MDN1: variants seen among roughly 807,000 people sequenced by gnomAD.
The protein encoded by MDN1 is midasin.
A neutral mutation model predicts 669.2 loss-of-function variants in MDN1; 266 were observed. The ratio of observed to expected loss-of-function variants is 0.40; its 90% confidence interval spans 0.36 to 0.44. The LOEUF is 0.44. MDN1 is among the 20% of genes least tolerant of loss of function. The pLI is 1.00. For synonymous variants in MDN1, 2,385 were observed against 2,457.1 expected (o/e 0.97, Z 0.87); for missense variants, 5,940 against 6,754.0 (o/e 0.88, Z 4.22).
At chr6:89,651,473 G>A (rs546602687) in intron 95 of MDN1, among the ~76,000 whole-genome samples, 17 of 152,070 alleles carry the variant, frequency 1.1e-4, no homozygotes, top group African/African-American at 3.6e-4. Context: ...AAAATTAGTC[G>A]GGCGTGGTGG....
At chr6:89,799,190 G>GA (rs1407259624) in intron 2 of MDN1, among the ~76,000 whole-genome samples, 1 of 152,174 alleles carries the variant, frequency 6.6e-6, no homozygotes, top group East Asian at 1.9e-4. Flanking sequence ...TCTTTGAAAA[G>GA]AAAGTGCATG....
At chr6:89,664,015 C>G (rs1810007630) in intron 85 of MDN1, among the ~76,000 whole-genome samples, 1 of 151,650 alleles carries the variant, frequency 6.6e-6, no homozygotes. Flanking sequence ...GGTATACATG[C>G]AATAAATGGA....
chr6:89,719,685 C>A (rs1814679422), intron 40 of MDN1, among the ~76,000 whole-genome samples: 1 of 152,184 alleles, frequency 6.6e-6, no homozygotes. Flanking sequence ...GATCTTTATA[C>A]CCATGCAAAA....
chr6:89,776,780 G>C (rs1044868421), intron 11 of MDN1, 85 bp from the exon 12 acceptor site: 1 of 953,682 alleles, frequency 1.0e-6, no homozygotes, highest in Admixed American at 3.0e-5. Flanking sequence ...CCACAAGAGG[G>C]AGAAACACAA....
chr6:89,793,765 C>T lies in MDN1; in HGVS notation c.852G>A (p.Glu284=). The change falls in exon 5 of 102, where the codon GAG becomes GAA. Residue 284 remains glutamate (E), a synonymous_variant. Transcript: ENST00000369393. ...CCCCCTACTGATACCAACATACCAGCTCTCCAGGGGCTGGCAGCTGCCCAG... is the reference window on the plus strand; with the variant it reads ...CCCCCTACTGATACCAACATACCAGTTCTCCAGGGGCTGGCAGCTGCCCAG... ...VLPGQLPAPG[E]LGGNRSSSRE... 6.2e-7 allele frequency: 1 copy of T among 1,612,934 alleles called. No individual in the cohort carries two copies. The highest frequency in any genetic ancestry group is 8.5e-7 in the Non-Finnish European group (1 of 1,179,418).
chr6:89,727,805 T>C (rs775227984), intron 37 of MDN1, 28 bp downstream of exon 37: 1 of 1,611,006 alleles, frequency 6.2e-7, no homozygotes, highest in South Asian at 1.1e-5. Context: ...ATGATCACCG[T>C]CTTGGGCATG....
At position 89,803,427 on chromosome 6, in the gene MDN1, G is replaced by A. The variant is rs753632241; in HGVS notation, c.230C>T (p.Ala77Val). 6.2e-7 allele frequency: 1 copy of A among 1,614,082 alleles called. No homozygotes were observed. Among genetic ancestry groups the A allele is most frequent in the Non-Finnish European group, 8.5e-7 (1 of 1,180,008 alleles). ...PLLLDLLERNAEAIKAGGQIN... is the reference protein window; with the variant it reads ...PLLLDLLERNVEAIKAGGQIN... ...TTGGCCTCCAGCTTTAATGGCTTCG[G>A]CATTCCTTTCCAGCAAATCCAAAAG... Residue 77 changes from alanine (A) to valine (V), a missense_variant, in exon 2 of 102, where the codon GCC (alanine) becomes GTC (valine). By Grantham distance (64) the Ala-to-Val change is moderately conservative. This residue lies in a region of MDN1 where 1,203 missense variants were observed against 1,268.9 expected (regional missense o/e 0.95). Coordinates refer to ENST00000369393, the MANE Select transcript of MDN1 (RefSeq NM_014611.3).
intron 59 of MDN1, among the ~76,000 whole-genome samples, chr6:89,698,408 A>C (rs1406561650): frequency 6.6e-6 from 1 of 152,252 alleles, no homozygotes; most frequent in Non-Finnish European, 1.5e-5. Flanking sequence ...AAATTCAAGC[A>C]CATTGATACA....
At chr6:89,797,605 T>C (rs541052477) in intron 2 of MDN1, 1 of 428,286 alleles carries the variant, frequency 2.3e-6, no homozygotes, top group South Asian at 1.8e-5. Flanking sequence ...TTTGCTGCCA[T>C]GGGATTCGTA....
Position 89,700,841 on chromosome 6 carries a change from C to T in MDN1, c.8443G>A (p.Glu2815Lys). The T allele has an allele frequency of 6.2e-7, 1 of 1,614,046 alleles. No homozygotes were observed. The highest frequency in any genetic ancestry group is 2.2e-5 in the East Asian group (1 of 44,884). ...AGGACCTTCAGTTGTGAAAAACACT[C>T]CACCACCAGCTTGTCCTGAAACAAC... ...PFPFKDKLVV[E>K]CFSQLKVLNK... The change falls in exon 56 of 102, where the codon GAG becomes AAG. Residue 2815 changes from glutamate (E) to lysine (K), a missense_variant. Glu to Lys is a moderately conservative substitution (Grantham distance 56). Around this residue, in one of 5 missense-constraint regions of MDN1, gnomAD observed 2,292 missense variants for 2,638.3 expected, o/e 0.87. Transcript: ENST00000369393.
At chr6:89,778,825 GCAGTGAGCCGAGAT>G (rs932933283) in intron 11 of MDN1, among the ~76,000 whole-genome samples, 3 of 151,604 alleles carry the variant, frequency 2.0e-5, no homozygotes, top group African/African-American at 7.3e-5. Flanking sequence ...GGTGGAGCTT[GCAGTGAGCCGAGAT>G]CACGCCACTG....
intron 63 of MDN1, among the ~76,000 whole-genome samples, chr6:89,691,392 G>A (rs1812369293): frequency 6.6e-6 from 1 of 152,138 alleles, no homozygotes; most frequent in Non-Finnish European, 1.5e-5. Context: ...CTGAGGTTGA[G>A]GAAATAAGCA....
rs756833676 is a variant in MDN1 at position 89,644,014 on chromosome 6, G to C, written c.16782C>G (p.Asp5594Glu). 1 of 1,610,418 alleles carries C rather than the reference G, an allele frequency of 6.2e-7. No homozygotes were observed. The highest frequency in any genetic ancestry group is 1.7e-5 in the Admixed American group (1 of 59,718). The change falls in exon 102 of 102, where the codon GAC becomes GAG. Residue 5594 changes from aspartate to glutamate, a missense_variant. Asp to Glu is a conservative substitution (Grantham distance 45). Around this residue, in one of 5 missense-constraint regions of MDN1, gnomAD observed 2,280 missense variants for 2,576.3 expected, o/e 0.88. Coordinates refer to ENST00000369393, the MANE Select transcript of MDN1 (RefSeq NM_014611.3). The stretch of plus-strand genomic sequence containing the variant: ...GACTCTTCTTTCTGTTCTATGGGTG[G>C]TCAGAGGCTGTCACCAACTCAAACC... ...RQWFELVTAS[D>E]HP
chr6:89,730,974 A>G (rs1413170868), intron 34 of MDN1, 51 bp from the exon 35 acceptor site: 1 of 1,519,048 alleles, frequency 6.6e-7, no homozygotes, highest in African/African-American at 1.4e-5. Context: ...ACCAAGCTTC[A>G]CCACCATTAA....
chr6:89,648,470 T>C (rs1032994443), intron 97 of MDN1, 141 bp from the exon 98 acceptor site: 12 of 720,112 alleles, frequency 1.7e-5, no homozygotes, highest in Non-Finnish European at 2.6e-5. Flanking sequence ...AAGGCTACTA[T>C]AGTCACAACA....
rs1157280546 is a variant in MDN1 at position 89,690,098 on chromosome 6, C to T, written c.10795G>A (p.Gly3599Arg). ...LVQPTLEENK[G>R]TSDGQEEEAG... ...TCCTCTTCTTGCCCATCTGAAGTTC[C>T]TTTGTTCTCCTCCAACGTTGGCTGC... is the stretch of plus-strand genomic sequence containing the variant. Residue 3599 changes from glycine (G) to arginine (R), a missense_variant, in exon 65 of 102, where the codon GGA (glycine) becomes AGA (arginine). Coordinates refer to ENST00000369393, the MANE Select transcript of MDN1 (RefSeq NM_014611.3). The T allele has an allele frequency of 1.2e-6, 2 of 1,614,146 alleles. No individual in the cohort carries two copies. Among genetic ancestry groups the T allele is most frequent in the South Asian group, 2.2e-5 (2 of 91,082 alleles).
intron 1 of MDN1, among the ~76,000 whole-genome samples, chr6:89,818,628 G>A (rs1215185081): frequency 1.3e-5 from 2 of 151,726 alleles, no homozygotes; most frequent in African/African-American, 4.8e-5. Context: ...TGGCCAACAT[G>A]GTGAAACCCC....
At chr6:89,711,691 T>C (rs1488706151) in intron 49 of MDN1, among the ~76,000 whole-genome samples, 1 of 152,198 alleles carries the variant, frequency 6.6e-6, no homozygotes, top group East Asian at 1.9e-4. Flanking sequence ...TCAAAACTAA[T>C]ACCTTTCCCA....
At chr6:89,812,078 C>T (rs1351679344) in intron 1 of MDN1, among the ~76,000 whole-genome samples, 1 of 151,588 alleles carries the variant, frequency 6.6e-6, no homozygotes, top group Non-Finnish European at 1.5e-5. Flanking sequence ...CTCCGCCTTC[C>T]GGGTTCAAGC....
Sources: allele counts gnomAD v4.1 joint callset (sites outside exome capture counted in the v4.1 genomes callset), GRCh38; gene constraint gnomAD v4.1.1; regional missense constraint gnomAD v4.1.1; transcripts MANE v1.5; gene names NCBI Gene and HGNC (gene_info 2026-07-23, HGNC 2026-07-21).